FOCAD: variants seen among roughly 807,000 people sequenced by gnomAD.
FOCAD encodes the protein KIAA1797.
FOCAD carries 198 observed loss-of-function variants against 225.6 expected under a neutral mutation model. The ratio of observed to expected loss-of-function variants is 0.88; its 90% CI spans 0.78 to 0.99. The LOEUF (loss-of-function observed/expected upper bound fraction) is 0.99. FOCAD is among the 50% of genes least tolerant of loss of function. The pLI is 0.00. For missense variants in FOCAD, 2,713 were observed against 2,123.6 expected, an observed-to-expected ratio of 1.28 and a Z score of -5.46; for synonymous variants, 897 against 755.0, an observed-to-expected ratio of 1.19 and a Z score of -3.08.
At chr9:20,726,059 C>A (rs1393257704) in intron 4 of FOCAD, among the ~76,000 whole-genome samples, 2 of 151,826 alleles carry the variant, frequency 1.3e-5, no homozygotes, top group South Asian at 2.1e-4. Flanking sequence ...TATCACCAGT[C>A]GAATGTGAAT....
At chr9:20,952,223 G>A (rs1363782305) in intron 34 of FOCAD, among the ~76,000 whole-genome samples, 1 of 152,060 alleles carries the variant, frequency 6.6e-6, no homozygotes, top group African/African-American at 2.4e-5. Context: ...ACTTGGTCTG[G>A]CCTACATATA....
At chr9:20,790,248 C>G (rs58997320) in intron 11 of FOCAD, among the ~76,000 whole-genome samples, 27,674 of 152,092 alleles carry the variant, frequency 0.18, 3,074 homozygotes, top group Non-Finnish European at 0.25. Context: ...GCATAATAAC[C>G]TGTGACTTTT....
chr9:20,911,196 G>A (rs1342743156), intron 22 of FOCAD, among the ~76,000 whole-genome samples: 1 of 152,090 alleles, frequency 6.6e-6, no homozygotes, highest in Non-Finnish European at 1.5e-5. Flanking sequence ...ACAAAGGGGA[G>A]AATGAAAGGG....
chr9:20,659,966 C>G (rs1411827893), intron 2 of FOCAD, among the ~76,000 whole-genome samples: 1 of 152,188 alleles, frequency 6.6e-6, no homozygotes, highest in African/African-American at 2.4e-5. Flanking sequence ...TTCCAGGTTT[C>G]TTGCTCAAGT....
At chr9:20,948,983 G>A (rs547053001) in intron 32 of FOCAD, 55 bp downstream of exon 32, 31 of 1,507,348 alleles carry the variant, frequency 2.1e-5, no homozygotes, top group Admixed American at 1.7e-4. Flanking sequence ...TAGCCATAGC[G>A]GGAGAAGAAT....
At position 20,709,214 on chromosome 9, in the gene FOCAD, A is replaced by C. The variant is rs80323315; in HGVS notation, c.-32-6108A>C. ...TTATATTAAACAACTGTTTTGATTC[A>C]CTGGGAACTTAAAGACTTCATTAAA... On this transcript the variant is annotated intron_variant, in intron 1 of 43. Coordinates refer to ENST00000338382, the MANE Select transcript of FOCAD (RefSeq NM_001375567.1). 4.1e-4 allele frequency among the ~76,000 whole-genome samples: 62 copies of C among 152,206 alleles called. No individual in the cohort carries two copies. In the East Asian group the frequency reaches 9.1e-3, roughly 22 times the overall value.
intron 1 of FOCAD, among the ~76,000 whole-genome samples, chr9:20,708,326 A>G (rs1445613996): frequency 6.6e-6 from 1 of 152,224 alleles, no homozygotes; most frequent in Non-Finnish European, 1.5e-5. Context: ...TGATAATTGG[A>G]ATAGTTAATA....
chr9:20,710,229 A>AT (rs749860355), intron 1 of FOCAD, among the ~76,000 whole-genome samples: 26,187 of 102,174 alleles, frequency 0.26, 3,873 homozygotes, highest in Middle Eastern at 0.31. Flanking sequence ...AGTAGCTGAG[A>AT]TTTTTTTTTT....
chr9:20,785,761 G>A (rs1308549466), intron 10 of FOCAD, among the ~76,000 whole-genome samples: 1 of 152,100 alleles, frequency 6.6e-6, no homozygotes, highest in Non-Finnish European at 1.5e-5. Context: ...TTTCTCTTGA[G>A]TAGATACCGA....
intron 4 of FOCAD, among the ~76,000 whole-genome samples, chr9:20,728,698 G>A (rs1349742775): frequency 3.3e-5 from 5 of 152,024 alleles, no homozygotes. Context: ...TCTTTTCCTG[G>A]CACCTGCCCA....
chr9:20,676,295 G>A (rs537000833), intron 2 of FOCAD, among the ~76,000 whole-genome samples: 2 of 152,132 alleles, frequency 1.3e-5, no homozygotes, highest in Admixed American at 6.5e-5. Flanking sequence ...TGAATATCCC[G>A]ATTTGCCCTA....
chr9:20,943,100 A>C (rs559561068), intron 28 of FOCAD, among the ~76,000 whole-genome samples: 4 of 152,234 alleles, frequency 2.6e-5, no homozygotes, highest in African/African-American at 9.6e-5. Context: ...TAGATTCTAA[A>C]TAATAGCAAA....
intron 39 of FOCAD, among the ~76,000 whole-genome samples, chr9:20,983,058 A>G (rs896398907): frequency 1.2e-4 from 19 of 152,196 alleles, no homozygotes; most frequent in Admixed American, 4.6e-4. Context: ...TGCCTATTCA[A>G]TCAGATCCTT....
At chr9:20,686,474 A>G (rs916333080) in intron 1 of FOCAD, among the ~76,000 whole-genome samples, 1 of 152,234 alleles carries the variant, frequency 6.6e-6, no homozygotes, top group African/African-American at 2.4e-5. Context: ...GGGAAAATTC[A>G]AGAGCTGAGG....
At chr9:20,682,833 C>G (rs1249111648), upstream of FOCAD, among the ~76,000 whole-genome samples, 2 of 152,176 alleles carry the variant, frequency 1.3e-5, no homozygotes, top group African/African-American at 4.8e-5. Flanking sequence ...TGCAGTGGCG[C>G]CACCTCGGCT....
At chr9:20,946,237 T>C (rs1380212914) in intron 29 of FOCAD, among the ~76,000 whole-genome samples, 1 of 152,200 alleles carries the variant, frequency 6.6e-6, no homozygotes, top group Non-Finnish European at 1.5e-5. Context: ...CCACTACTTC[T>C]CCTAGGGAAT....
chr9:20,736,664 T>C (rs1827176050), intron 4 of FOCAD, among the ~76,000 whole-genome samples: 1 of 152,188 alleles, frequency 6.6e-6, no homozygotes, highest in African/African-American at 2.4e-5. Flanking sequence ...ATTATCTTTA[T>C]GTTATAGTAT....
In FOCAD at chr9:20,673,746, G is replaced by C. The variant is rs547280348; in HGVS notation, c.-78+14920G>C. 4.6e-5 allele frequency among the ~76,000 whole-genome samples: 7 copies of C among 152,204 alleles called. No homozygotes were observed. The South Asian group carries it at 6.2e-4, about 14-fold the overall frequency. On this transcript the variant is annotated intron_variant, in intron 2 of 45. Coordinates refer to the FOCAD transcript ENST00000380249. The stretch of plus-strand genomic sequence containing the variant: ...GCCTCCCAGGTAGCTGGGACTACAC[G>C]TGCGTGCCACACGTGGTGTCTCACC...
At chr9:20,967,442 T>A (rs1325448474) in intron 35 of FOCAD, among the ~76,000 whole-genome samples, 1 of 152,178 alleles carries the variant, frequency 6.6e-6, no homozygotes, top group Admixed American at 6.5e-5. Flanking sequence ...TTTCTCTATA[T>A]AGGATCATAT....
Sources: gnomAD v4.1 joint callset for allele counts (sites outside exome capture counted in the v4.1 genomes callset) on GRCh38, gnomAD v4.1.1 for gene constraint, MANE v1.5 for transcripts, NCBI Gene and HGNC (gene_info 2026-07-23, HGNC 2026-07-21) for gene names.